Variants in GRID1 observed in about 807,000 individuals in gnomAD.
The protein encoded by GRID1 is glutamate ionotropic receptor delta type subunit 1.
Under a neutral mutation model 98.0 loss-of-function variants are expected in GRID1, and 28 were observed. The ratio of observed to expected loss-of-function variants is 0.29; its 90% CI spans 0.21 to 0.39. GRID1 has a LOEUF of 0.39. Ranked by LOEUF, GRID1 falls within the 10% of genes least tolerant of loss-of-function variation. The probability of loss-of-function intolerance (pLI) is 1.00; values close to 1 mark genes in which losing one functional copy is unlikely to be tolerated. For synonymous variants in GRID1, 553 were observed against 538.5 expected (o/e 1.03, Z -0.37); for missense variants, 1,111 against 1,340.5 (o/e 0.83, Z 2.67).
At chr10:85,974,735 G>A (rs11598575) in intron 4 of GRID1, among the ~76,000 whole-genome samples, 80 of 152,112 alleles carry the variant, frequency 5.3e-4, no homozygotes, top group African/African-American at 1.6e-3. Flanking sequence ...CATGTTGAAC[G>A]CTACCTAATG....
chr10:86,246,138 T>A (rs1202899448), intron 2 of GRID1, among the ~76,000 whole-genome samples: 1 of 152,212 alleles, frequency 6.6e-6, no homozygotes, highest in Non-Finnish European at 1.5e-5. Flanking sequence ...GCCACCAGAA[T>A]CTGGGAACCA....
chr10:85,915,323 CAA>C (rs1165960906), intron 5 of GRID1, among the ~76,000 whole-genome samples: 1 of 152,086 alleles, frequency 6.6e-6, no homozygotes, highest in Non-Finnish European at 1.5e-5. Flanking sequence ...TATACATACA[CAA>C]ACTCACGTAT....
intron 8 of GRID1, among the ~76,000 whole-genome samples, chr10:85,789,304 C>G (rs892239756): frequency 3.9e-5 from 6 of 152,174 alleles, no homozygotes; most frequent in Non-Finnish European, 8.8e-5. Flanking sequence ...GTACCGCCAT[C>G]CGTGTGCAGG....
At chr10:85,697,114 G>A (rs78561521) in intron 12 of GRID1, among the ~76,000 whole-genome samples, 3,376 of 152,106 alleles carry the variant, frequency 0.022, 48 homozygotes, top group Middle Eastern at 0.051. Context: ...GGGGTATAGC[G>A]TTCCATAAAT....
chr10:85,628,830 C>A (rs1161664452), intron 13 of GRID1, among the ~76,000 whole-genome samples: 2 of 152,178 alleles, frequency 1.3e-5, no homozygotes, highest in Admixed American at 1.3e-4. Context: ...CTCCTGGCTG[C>A]AGCCCAGAGT....
At chr10:85,736,136 G>T (rs1418251691) in intron 8 of GRID1, among the ~76,000 whole-genome samples, 1 of 145,376 alleles carries the variant, frequency 6.9e-6, no homozygotes, top group Non-Finnish European at 1.5e-5. Context: ...GAGAAAGGAA[G>T]GAGAGAAGGA....
rs185591641 is a variant in GRID1 at position 85,648,865 on chromosome 10, G to A, written c.1998-1468C>T. 7.9e-5 allele frequency among the ~76,000 whole-genome samples: 12 copies of A among 152,298 alleles called. No individual in the cohort carries two copies. The East Asian group carries it at 2.3e-3, about 29-fold the overall frequency. On this transcript the variant is annotated intron_variant, in intron 12 of 15. Transcript: ENST00000327946. ...GCATGAGCTCACCGGGACTTCAGAG[G>A]GCCATGTGCCAGAGCAGAGACAAGC...
chr10:86,116,749 A>G (rs1844587786), intron 4 of GRID1, among the ~76,000 whole-genome samples: 1 of 152,084 alleles, frequency 6.6e-6, no homozygotes, highest in Admixed American at 6.6e-5. Context: ...CAGCCTGAGG[A>G]CAGACTATGT....
intron 12 of GRID1, among the ~76,000 whole-genome samples, chr10:85,662,702 G>A (rs1277445011): frequency 6.6e-6 from 1 of 152,166 alleles, no homozygotes; most frequent in African/African-American, 2.4e-5. Flanking sequence ...TGGGTAATGT[G>A]GCCTACCAGA....
intron 2 of GRID1, among the ~76,000 whole-genome samples, chr10:86,322,843 G>C (rs1396665390): frequency 6.6e-6 from 1 of 151,338 alleles, no homozygotes; most frequent in Non-Finnish European, 1.5e-5. Context: ...TGTAATCCCA[G>C]CACTTTGGGA....
At chr10:85,977,975 G>T (rs932086834) in intron 4 of GRID1, among the ~76,000 whole-genome samples, 4 of 152,184 alleles carry the variant, frequency 2.6e-5, no homozygotes, top group African/African-American at 9.7e-5. Context: ...GCCCACATGA[G>T]AGTGCCGAGG....
intron 8 of GRID1, among the ~76,000 whole-genome samples, chr10:85,730,834 T>C (rs1841813862): frequency 1.3e-5 from 2 of 152,328 alleles, no homozygotes; most frequent in South Asian, 4.1e-4. Context: ...AGATTATTCA[T>C]GTCTAACAAG....
chr10:85,972,543 C>G lies in GRID1; in HGVS notation c.727-56304G>C, dbSNP rs185103094. ...CTACATAGGTATAATTCTGCTATTT[C>G]AATACTCATGATCATATCAGAAATA... is the stretch of plus-strand genomic sequence containing the variant. On this transcript the variant is annotated intron_variant, in intron 4 of 15. Transcript: ENST00000327946. 1.4e-4 allele frequency among the ~76,000 whole-genome samples: 21 copies of G among 150,276 alleles called. 1 individual carries two copies. The highest frequency in any genetic ancestry group is 9.7e-4 in the East Asian group (5 of 5,140).
At chr10:86,282,458 T>C (rs973660452) in intron 2 of GRID1, among the ~76,000 whole-genome samples, 1 of 152,122 alleles carries the variant, frequency 6.6e-6, no homozygotes, top group Admixed American at 6.5e-5. Context: ...GCTGAGCCTG[T>C]CCTCACAGGG....
chr10:85,837,477 C>A (rs1364432583), intron 8 of GRID1, among the ~76,000 whole-genome samples: 14 of 152,170 alleles, frequency 9.2e-5, no homozygotes, highest in Admixed American at 8.5e-4. Flanking sequence ...AGTCAGAGAA[C>A]AAAGTTGGGG....
At chr10:86,215,614 C>T (rs1004879956) in intron 2 of GRID1, among the ~76,000 whole-genome samples, 1 of 152,078 alleles carries the variant, frequency 6.6e-6, no homozygotes, top group Non-Finnish European at 1.5e-5. Flanking sequence ...TGGAGAACCT[C>T]GAAAGCAACT....
rs571427920 is a variant in GRID1, at chr10:85,780,715, A to C, written c.1234-51101T>G. Reference sequence around the variant, plus strand: ...ATAGTACAGGTCAGACCCTATTTCCACTCTGCCATGCTGTGGGATCCTGGG... The same window carrying C: ...ATAGTACAGGTCAGACCCTATTTCCCCTCTGCCATGCTGTGGGATCCTGGG... On this transcript the variant is annotated intron_variant, in intron 8 of 15. Coordinates refer to ENST00000327946, the MANE Select transcript of GRID1 (RefSeq NM_017551.3). Among the ~76,000 whole-genome samples, 10 of 151,866 alleles carry C rather than the reference A, an allele frequency of 6.6e-5. No individual in the cohort carries two copies. In the East Asian group the frequency reaches 1.9e-3, roughly 29 times the overall value.
At chr10:85,909,130 A>G (rs1440932108) in intron 5 of GRID1, among the ~76,000 whole-genome samples, 2 of 152,236 alleles carry the variant, frequency 1.3e-5, no homozygotes, top group African/African-American at 4.8e-5. Flanking sequence ...AGTTGTTTAA[A>G]CAGATACTTT....
intron 12 of GRID1, among the ~76,000 whole-genome samples, chr10:85,700,560 G>A (rs1023144757): frequency 6.6e-6 from 1 of 152,152 alleles, no homozygotes; most frequent in African/African-American, 2.4e-5. Flanking sequence ...ATTAAAAGGT[G>A]CCTGTAGTGT....
Sources: gnomAD v4.1 joint callset for allele counts (sites outside exome capture counted in the v4.1 genomes callset) on GRCh38, gnomAD v4.1.1 for gene constraint, MANE v1.5 for transcripts, NCBI Gene and HGNC (gene_info 2026-07-23, HGNC 2026-07-21) for gene names.